Variants in MED27 observed in about 807,000 individuals in gnomAD.
The protein encoded by MED27 is mediator complex subunit 27, also known as mediator of RNA polymerase II transcription subunit 27.
Under a neutral mutation model 38.2 loss-of-function variants are expected in MED27, and 30 were observed. The observed-to-expected ratio is 0.79, with a 90% CI of 0.59 to 1.07. The LOEUF is 1.07. Among genes scored for constraint, MED27 ranks in the 50% least tolerant of loss-of-function variants. The probability of loss-of-function intolerance (pLI) is 0.00; values close to 1 mark genes in which losing one functional copy is unlikely to be tolerated. For synonymous variants in MED27, 122 were observed against 153.5 expected, an observed-to-expected ratio of 0.79 and a Z score of 1.52; for missense variants, 289 against 397.5, an observed-to-expected ratio of 0.73 and a Z score of 2.32.
At chr9:132,071,886 C>T (rs1833948004) in intron 2 of MED27, among the ~76,000 whole-genome samples, 1 of 151,858 alleles carries the variant, frequency 6.6e-6, no homozygotes, top group African/African-American at 2.4e-5. Flanking sequence ...AACACGCGCC[C>T]CATGGATGAG....
intron 2 of MED27, among the ~76,000 whole-genome samples, chr9:132,028,264 G>C (rs996105646): frequency 2.6e-5 from 4 of 152,188 alleles, no homozygotes; most frequent in South Asian, 2.1e-4. Context: ...GCCTAAAGGA[G>C]CTGGGGGTGC....
intron 3 of MED27, among the ~76,000 whole-genome samples, chr9:131,973,868 C>T (rs1027168396): frequency 1.4e-4 from 21 of 150,804 alleles, no homozygotes; most frequent in African/African-American, 3.9e-4. Flanking sequence ...CCACCACGCG[C>T]GGCTGATTTT....
intron 6 of MED27, 30 bp from the exon 7 acceptor site, chr9:131,863,170 G>A (rs202126290): frequency 3.2e-5 from 51 of 1,596,612 alleles, no homozygotes; most frequent in Middle Eastern, 1.7e-4. Flanking sequence ...ACGAGTTAGC[G>A]GCCACTCCAA....
chr9:131,949,669 T>G (rs775147695), intron 3 of MED27, among the ~76,000 whole-genome samples: 1 of 152,226 alleles, frequency 6.6e-6, no homozygotes, highest in Non-Finnish European at 1.5e-5. Context: ...AGTAACAAAA[T>G]GAAATCAATT....
At chr9:132,061,235 G>A (rs998600218) in intron 2 of MED27, among the ~76,000 whole-genome samples, 2 of 152,172 alleles carry the variant, frequency 1.3e-5, no homozygotes, top group South Asian at 2.1e-4. Context: ...GAGCTAAAAG[G>A]GCCAACGGTG....
chr9:132,013,766 G>A (rs893033128), intron 3 of MED27, among the ~76,000 whole-genome samples: 15 of 152,002 alleles, frequency 9.9e-5, no homozygotes, highest in African/African-American at 3.6e-4. Context: ...ATAATAAGCC[G>A]TGAGGTCTCT....
chr9:131,866,731 C>T (rs989727824), intron 6 of MED27, among the ~76,000 whole-genome samples: 8 of 152,224 alleles, frequency 5.3e-5, no homozygotes, highest in East Asian at 1.9e-4. Flanking sequence ...TGGGCAGAAG[C>T]GTGTGCTGGT....
At chr9:132,031,556 A>G (rs1472218886) in intron 2 of MED27, among the ~76,000 whole-genome samples, 2 of 152,142 alleles carry the variant, frequency 1.3e-5, no homozygotes, top group Non-Finnish European at 2.9e-5. Context: ...CCTGAGTCCC[A>G]GCTATTCAGA....
At chr9:132,038,824 G>C (rs903154500) in intron 2 of MED27, among the ~76,000 whole-genome samples, 1 of 152,198 alleles carries the variant, frequency 6.6e-6, no homozygotes, top group Non-Finnish European at 1.5e-5. Context: ...AGGAGCTGAG[G>C]TGGGTGAGGG....
At chr9:131,924,917 C>A (rs1335406153) in intron 4 of MED27, among the ~76,000 whole-genome samples, 1 of 152,160 alleles carries the variant, frequency 6.6e-6, no homozygotes, top group Non-Finnish European at 1.5e-5. Context: ...TCATATCATT[C>A]TATAGTTATG....
intron 3 of MED27, among the ~76,000 whole-genome samples, chr9:132,007,606 G>A (rs1832386598): frequency 6.6e-6 from 1 of 152,138 alleles, no homozygotes; most frequent in Non-Finnish European, 1.5e-5. Flanking sequence ...AAAGAGGAGA[G>A]ACACGAGGTG....
At chr9:132,022,532 C>T (rs1217169051) in intron 2 of MED27, among the ~76,000 whole-genome samples, 2 of 152,112 alleles carry the variant, frequency 1.3e-5, no homozygotes, top group South Asian at 2.1e-4. Flanking sequence ...GAGCAGTCTG[C>T]GCTTGACTTC....
intron 4 of MED27, among the ~76,000 whole-genome samples, chr9:131,904,194 C>A (rs1303270156): frequency 1.3e-5 from 2 of 151,874 alleles, no homozygotes; most frequent in African/African-American, 4.8e-5. Context: ...CCACTGCGAC[C>A]AGCCCAGCTA....
intron 3 of MED27, among the ~76,000 whole-genome samples, chr9:131,987,422 C>A (rs551821719): frequency 2.0e-5 from 3 of 151,938 alleles, no homozygotes; most frequent in Non-Finnish European, 4.4e-5. Flanking sequence ...TTACTCAATG[C>A]GGGGAGGGGG....
At chr9:131,878,452 C>T (rs1182759344) in intron 6 of MED27, among the ~76,000 whole-genome samples, 1 of 152,092 alleles carries the variant, frequency 6.6e-6, no homozygotes, top group African/African-American at 2.4e-5. Context: ...GTTACTCATC[C>T]CTCTGCAATG....
intron 2 of MED27, among the ~76,000 whole-genome samples, chr9:132,057,448 CAGTGG>C (rs1179705364): frequency 6.6e-6 from 1 of 152,186 alleles, no homozygotes; most frequent in African/African-American, 2.4e-5. Flanking sequence ...AAAGGTCTGC[CAGTGG>C]TTGGTGTGCC....
intron 2 of MED27, among the ~76,000 whole-genome samples, chr9:132,055,437 T>C (rs1224666168): frequency 6.6e-6 from 1 of 152,180 alleles, no homozygotes; most frequent in Non-Finnish European, 1.5e-5. Context: ...ATGAGTACTT[T>C]ATAAACAAAA....
intron 2 of MED27, among the ~76,000 whole-genome samples, chr9:132,049,057 G>A (rs947075049): frequency 6.6e-6 from 1 of 152,180 alleles, no homozygotes. Flanking sequence ...TAAGAGTAGT[G>A]GAGCAACCAA....
intron 5 of MED27, among the ~76,000 whole-genome samples, chr9:131,893,159 G>A (rs1449875948): frequency 6.6e-6 from 1 of 152,154 alleles, no homozygotes; most frequent in East Asian, 1.9e-4. Context: ...GAGTCATGAG[G>A]AAGGAAAGGC....
Sources: allele counts gnomAD v4.1 joint callset (sites outside exome capture counted in the v4.1 genomes callset), GRCh38; gene constraint gnomAD v4.1.1; transcripts MANE v1.5; gene names NCBI Gene and HGNC (gene_info 2026-07-23, HGNC 2026-07-21).